Variants in DISP1 observed in about 807,000 individuals in gnomAD.
DISP1 encodes the protein dispatched RND transporter family member 1, also known as protein dispatched homolog 1.
A neutral mutation model predicts 37.3 loss-of-function variants in DISP1; 30 were observed. That is an observed-to-expected ratio of 0.80 (90% CI 0.60 to 1.09). The LOEUF is 1.09. Ranked by LOEUF, DISP1 falls within the 50% of genes least tolerant of loss-of-function variation. DISP1 has a pLI of 0.00. For missense variants in DISP1, 1,598 were observed against 1,879.5 expected, an observed-to-expected ratio of 0.85 and a Z score of 2.77; for synonymous variants, 634 against 690.2, an observed-to-expected ratio of 0.92 and a Z score of 1.28.
chr1:222,862,525 GT>G (rs33987832), intron 1 of DISP1, among the ~76,000 whole-genome samples: 73,288 of 128,942 alleles, frequency 0.57, 20,294 homozygotes, highest in African/African-American at 0.76. Context: ...TGTCTCAATA[GT>G]TTTTTTTTTT....
chr1:222,936,879 G>GATATATAATTTATATATCATATATATT (rs1334041961), intron 2 of DISP1, among the ~76,000 whole-genome samples: 5 of 41,376 alleles, frequency 1.2e-4, no homozygotes, highest in Non-Finnish European at 2.3e-4. Flanking sequence ...TCATATATAT[G>GATATATAATTTATATATCATATATATT]ATATATATAA....
In DISP1 at chr1:223,003,311, G is replaced by A. The variant is rs767929372; in HGVS notation, c.1914G>A (p.Gly638=). The A allele has an allele frequency of 3.1e-6, 5 of 1,614,140 alleles. 1 individual carries two copies. In the South Asian group the frequency reaches 3.3e-5, roughly 11 times the overall value. Residue 638 remains glycine, a synonymous_variant, in exon 9 of 9, where the codon GGG becomes GGA. Transcript: ENST00000675850. The surrounding 1 kb of genome is among the most constrained non-coding windows in gnomAD (Gnocchi z 4.3). ...TAIRCFGVYA[G]TAILVNYVLM... is the part of the protein sequence containing the mutation. ...TCCGATGCTTTGGGGTTTATGCGGG[G>A]ACAGCTATATTGGTGAATTACGTTT... is the stretch of plus-strand genomic sequence containing the variant.
chr1:222,936,786 AT>A (rs1673818226), intron 2 of DISP1, among the ~76,000 whole-genome samples: 1 of 53,464 alleles, frequency 1.9e-5, no homozygotes, highest in African/African-American at 6.2e-5. Context: ...ATCATATATA[AT>A]ATATATAATA....
chr1:222,996,273 A>T (rs193098720), intron 8 of DISP1, among the ~76,000 whole-genome samples: 4 of 152,358 alleles, frequency 2.6e-5, no homozygotes, highest in African/African-American at 7.2e-5. Context: ...GATACTTCTT[A>T]TACAGAAAAT....
At chr1:223,000,423 A>T (rs1679351584) in intron 8 of DISP1, among the ~76,000 whole-genome samples, 1 of 152,228 alleles carries the variant, frequency 6.6e-6, no homozygotes, top group Non-Finnish European at 1.5e-5. Context: ...AGTATGAATT[A>T]TCCTAGTTTA....
At chr1:222,975,023 C>T in intron 3 of DISP1, among the ~76,000 whole-genome samples, 1 of 152,266 alleles carries the variant, frequency 6.6e-6, no homozygotes, top group South Asian at 2.1e-4. Flanking sequence ...GTGCTACTTA[C>T]AGCACTTTTT....
chr1:222,881,257 G>A (rs770629937), intron 1 of DISP1, among the ~76,000 whole-genome samples: 43 of 152,064 alleles, frequency 2.8e-4, no homozygotes, highest in Non-Finnish European at 5.3e-4. Flanking sequence ...AAGCAATGGC[G>A]CCATCTCGGC....
chr1:222,896,250 G>A (rs1181412150), intron 1 of DISP1, among the ~76,000 whole-genome samples: 1 of 152,002 alleles, frequency 6.6e-6, no homozygotes, highest in African/African-American at 2.4e-5. Context: ...CAAGGCTGCA[G>A]TGAGCCATGA....
At chr1:222,896,791 A>G (rs866875292) in intron 1 of DISP1, among the ~76,000 whole-genome samples, 1 of 152,222 alleles carries the variant, frequency 6.6e-6, no homozygotes, top group African/African-American at 2.4e-5. Context: ...CAATAAGCAC[A>G]TGGAAAGATG....
At chr1:222,938,028 C>T (rs1674099178) in intron 2 of DISP1, among the ~76,000 whole-genome samples, 1 of 151,988 alleles carries the variant, frequency 6.6e-6, no homozygotes, top group South Asian at 2.1e-4. Flanking sequence ...CAAACAACAC[C>T]ATGCTCAGCT....
At chr1:222,941,912 AC>A (rs1364741203) in intron 2 of DISP1, among the ~76,000 whole-genome samples, 1 of 139,998 alleles carries the variant, frequency 7.1e-6, no homozygotes, top group Admixed American at 7.1e-5. Flanking sequence ...GCATTTGATG[AC>A]CCTTTTTTTT....
chr1:222,858,867 G>A (rs1294272014), intron 1 of DISP1, among the ~76,000 whole-genome samples: 1 of 152,118 alleles, frequency 6.6e-6, no homozygotes, highest in Admixed American at 6.5e-5. Context: ...CATAGGAAAA[G>A]TTTTACACTG....
chr1:222,902,729 T>G (rs551776085), intron 1 of DISP1, among the ~76,000 whole-genome samples: 2 of 151,988 alleles, frequency 1.3e-5, no homozygotes, highest in East Asian at 3.9e-4. Context: ...ATGAGAGAAA[T>G]GTAAATCAAA....
intron 1 of DISP1, among the ~76,000 whole-genome samples, chr1:222,874,387 T>C (rs190774674): frequency 6.6e-6 from 1 of 152,068 alleles, no homozygotes; most frequent in African/African-American, 2.4e-5. Flanking sequence ...CTTGGTTCCA[T>C]TCTCCCCATC....
At chr1:222,951,156 C>T (rs527904920) in intron 3 of DISP1, among the ~76,000 whole-genome samples, 20 of 152,230 alleles carry the variant, frequency 1.3e-4, no homozygotes, top group South Asian at 4.2e-4. Context: ...TAGAGGGAAC[C>T]GTAGAACCCT....
At chr1:222,832,895 CAAA>C (rs1666111451) in intron 1 of DISP1, among the ~76,000 whole-genome samples, 1 of 151,894 alleles carries the variant, frequency 6.6e-6, no homozygotes, top group Non-Finnish European at 1.5e-5. Context: ...AACTCCATCT[CAAA>C]GAAATAAAAA....
Position 222,893,942 on chromosome 1 carries a change from T to C in DISP1, c.-158-34488T>C, listed in dbSNP as rs1210033516. Among the ~76,000 whole-genome samples, 3 of 152,128 alleles carry C rather than the reference T, an allele frequency of 2.0e-5. No homozygotes were observed. The highest frequency in any genetic ancestry group is 2.1e-4 in the South Asian group (1 of 4,830). On this transcript the variant is annotated intron_variant, in intron 1 of 8. Transcript: ENST00000675850. This position sits in a 1 kb window ranked among gnomAD's most constrained non-coding sequence, Gnocchi z 4.3. The stretch of plus-strand genomic sequence containing the variant: ...GTGAGCAAGGTGGAGAGGAGCTTCA[T>C]TGAGTGGCAGAACAGTTCTCAGGAG...
chr1:222,932,221 T>C (rs1204207104), intron 2 of DISP1, among the ~76,000 whole-genome samples: 1 of 151,950 alleles, frequency 6.6e-6, no homozygotes, highest in African/African-American at 2.4e-5. Context: ...GACTGCATGT[T>C]AAAATCACCC....
At chr1:222,905,095 G>A (rs4846780) in intron 1 of DISP1, among the ~76,000 whole-genome samples, 11,899 of 152,102 alleles carry the variant, frequency 0.078, 556 homozygotes, top group East Asian at 0.24. Flanking sequence ...ATTATAAACT[G>A]ATTTAAGAAC....
Sources: gnomAD v4.1 joint callset for allele counts (sites outside exome capture counted in the v4.1 genomes callset) on GRCh38, gnomAD v4.1.1 for gene constraint, Gnocchi (gnomAD v3.1) non-coding constraint, MANE v1.5 for transcripts, NCBI Gene and HGNC (gene_info 2026-07-23, HGNC 2026-07-21) for gene names.